Variants in SOX6 observed in about 807,000 individuals in gnomAD.
SOX6 encodes the protein transcription factor SOX-6.
A neutral mutation model predicts 97.8 loss-of-function variants in SOX6; 11 were observed. The observed-to-expected ratio is 0.11, with a 90% CI of 0.07 to 0.19. The LOEUF is 0.19. Among genes scored for constraint, SOX6 ranks in the 10% least tolerant of loss-of-function variants. The pLI is 1.00. For missense variants in SOX6, 810 were observed against 1,039.5 expected (o/e 0.78, Z 3.04); for synonymous variants, 360 against 371.4 (o/e 0.97, Z 0.35).
At chr11:16,426,255 CAAAAAAAAAAAAAAAAAAAAAAAAAAA>C (rs869158484) in intron 1 of SOX6, among the ~76,000 whole-genome samples, 2 of 29,256 alleles carry the variant, frequency 6.8e-5, no homozygotes, top group East Asian at 1.4e-3. Flanking sequence ...GACTCCATCT[CAAAAAAAAAAAAAAAAAAAAAAAAAAA>C]AAAAAAAAAA....
chr11:16,237,938 A>G (rs1007475229), intron 3 of SOX6, among the ~76,000 whole-genome samples: 30 of 152,110 alleles, frequency 2.0e-4, no homozygotes, highest in African/African-American at 6.5e-4. Context: ...ACAACATTAC[A>G]GCATGAAAAA....
intron 6 of SOX6, among the ~76,000 whole-genome samples, chr11:16,149,869 T>C (rs939795432): frequency 6.6e-6 from 1 of 152,166 alleles, no homozygotes; most frequent in Non-Finnish European, 1.5e-5. Context: ...AAAGAGGCAA[T>C]TGTGGGTACA....
intron 1 of SOX6, among the ~76,000 whole-genome samples, chr11:16,369,888 G>T (rs192447828): frequency 3.3e-5 from 5 of 152,214 alleles, no homozygotes; most frequent in Non-Finnish European, 5.9e-5. Flanking sequence ...AAGAGACAAC[G>T]GACTTCCTTC....
chr11:16,350,416 G>A (rs773818823), intron 1 of SOX6, among the ~76,000 whole-genome samples: 11 of 152,118 alleles, frequency 7.2e-5, no homozygotes, highest in African/African-American at 1.9e-4. Context: ...GAAATAAGAC[G>A]GTTTTAGAAA....
At chr11:16,311,156 AT>A (rs1454861534) in intron 3 of SOX6, 1 of 152,154 alleles carries the variant, frequency 6.6e-6, no homozygotes, top group Admixed American at 6.6e-5. Flanking sequence ...ACACAAGAAC[AT>A]CATTGCTGCC....
At chr11:16,410,678 G>A (rs1049662901) in intron 1 of SOX6, among the ~76,000 whole-genome samples, 1 of 151,062 alleles carries the variant, frequency 6.6e-6, no homozygotes, top group Non-Finnish European at 1.5e-5. Context: ...AGAATCACTT[G>A]GGCCTGGGAG....
chr11:16,378,926 G>A (rs1857724638), intron 1 of SOX6, among the ~76,000 whole-genome samples: 1 of 151,842 alleles, frequency 6.6e-6, no homozygotes, highest in African/African-American at 2.4e-5. Context: ...TTTGTGATAG[G>A]CTATTCTAAA....
chr11:16,640,830 T>A (rs1379278081), intron 3 of SOX6, among the ~76,000 whole-genome samples: 2 of 152,224 alleles, frequency 1.3e-5, no homozygotes, highest in African/African-American at 2.4e-5. Context: ...GCTAGTGGTA[T>A]ATCAATTTTG....
Position 16,528,746 on chromosome 11 carries a change from A to C in SOX6, n.610-52358T>G, listed in dbSNP as rs1274180033. 3.9e-5 allele frequency among the ~76,000 whole-genome samples: 6 copies of C among 152,142 alleles called. No individual in the cohort carries two copies. In the East Asian group the frequency reaches 1.2e-3, roughly 29 times the overall value. On this transcript the variant is annotated intron_variant and non_coding_transcript_variant, in intron 4 of 5. Transcript: ENST00000524520. ...GAACCCAAGGAACTGGAAAATAAGAAGAGAAATTGATAGCACTTCTCTGGG... is the reference window on the plus strand; with the variant it reads ...GAACCCAAGGAACTGGAAAATAAGACGAGAAATTGATAGCACTTCTCTGGG...
chr11:16,178,560 C>T (rs1203571128), intron 6 of SOX6, among the ~76,000 whole-genome samples: 2 of 151,906 alleles, frequency 1.3e-5, no homozygotes, highest in African/African-American at 2.4e-5. Context: ...ATTTTAAGGG[C>T]TTGCGGAAGC....
intron 3 of SOX6, among the ~76,000 whole-genome samples, chr11:16,640,479 G>A (rs1848891195): frequency 6.6e-6 from 1 of 152,182 alleles, no homozygotes; most frequent in African/African-American, 2.4e-5. Flanking sequence ...AGTTTCAGAA[G>A]GAATGGTACC....
intron 3 of SOX6, among the ~76,000 whole-genome samples, chr11:16,643,831 G>C (rs1369502514): frequency 6.6e-6 from 1 of 152,224 alleles, no homozygotes; most frequent in African/African-American, 2.4e-5. Context: ...GGCTAGGAAA[G>C]GGAATTTCCT....
chr11:16,132,953 A>C (rs970397235), intron 6 of SOX6, among the ~76,000 whole-genome samples: 8 of 152,164 alleles, frequency 5.3e-5, no homozygotes, highest in Non-Finnish European at 1.2e-4. Context: ...TTGAACAGTA[A>C]AAAGTATATT....
chr11:16,669,453 A>G (rs547701330), intron 3 of SOX6, among the ~76,000 whole-genome samples: 1 of 152,170 alleles, frequency 6.6e-6, no homozygotes, highest in African/African-American at 2.4e-5. Flanking sequence ...CCCCCAGCAT[A>G]CTGCAGCAGC....
At chr11:16,123,325 G>A (rs1849537672) in intron 6 of SOX6, among the ~76,000 whole-genome samples, 2 of 152,072 alleles carry the variant, frequency 1.3e-5, no homozygotes, top group Admixed American at 6.6e-5. Flanking sequence ...TCACAAGCAA[G>A]AAGGCCTGAG....
In SOX6 at chr11:16,613,404, C is replaced by A. The variant is rs1024504243; in HGVS notation, n.430-1144G>T. Among the ~76,000 whole-genome samples the A allele has an allele frequency of 6.6e-6, 1 of 152,076 alleles. No individual in the cohort carries two copies. The highest frequency in any genetic ancestry group is 1.9e-4 in the East Asian group (1 of 5,168). On this transcript the variant is annotated intron_variant and non_coding_transcript_variant, in intron 3 of 5. Transcript: ENST00000524520. This position sits in a 1 kb window ranked among gnomAD's most constrained non-coding sequence, Gnocchi z 4.6. ...TGTCACTAAAACGAGATTAGCAAAT[C>A]TTCTACCGCTGGCGGCGGCAACCAG... is the stretch of plus-strand genomic sequence containing the variant.
intron 12 of SOX6, among the ~76,000 whole-genome samples, chr11:16,036,374 C>T (rs545861903): frequency 6.6e-5 from 10 of 152,198 alleles, no homozygotes; most frequent in Admixed American, 2.6e-4. Context: ...CCACTGCACC[C>T]GGCCTGATTC....
intron 6 of SOX6, among the ~76,000 whole-genome samples, chr11:16,119,524 C>T (rs144577559): frequency 6.2e-4 from 95 of 152,304 alleles, no homozygotes; most frequent in Non-Finnish European, 1.1e-3. Flanking sequence ...AATCATAAAT[C>T]ATCTCTCAGC....
rs1373991743 is a variant in SOX6 at position 16,361,596 on chromosome 11, C to T, written c.-4-20344G>A. Among the ~76,000 whole-genome samples, 3 of 152,258 alleles carry T rather than the reference C, an allele frequency of 2.0e-5. No homozygotes were observed. The East Asian group carries it at 5.8e-4, about 29-fold the overall frequency. On this transcript the variant is annotated intron_variant, in intron 1 of 15. Coordinates refer to the SOX6 transcript ENST00000396356. Reference sequence around the variant, plus strand: ...CCACTCAATACACCAAATTAGATAGCATACCTCAGAGTGAGCAACCATTGT... The same window carrying T: ...CCACTCAATACACCAAATTAGATAGTATACCTCAGAGTGAGCAACCATTGT...
Sources: allele counts gnomAD v4.1 joint callset (sites outside exome capture counted in the v4.1 genomes callset), GRCh38; gene constraint gnomAD v4.1.1; non-coding constraint Gnocchi (gnomAD v3.1); transcripts MANE v1.5; gene names NCBI Gene and HGNC (gene_info 2026-07-23, HGNC 2026-07-21).